The following NDRG1 variants were observed in gnomAD, a reference collection of about 807,000 sequenced individuals.
NDRG1 encodes protein NDRG1.
In NDRG1, 32 loss-of-function variants were observed where a neutral mutation model predicts 56.9. That is an observed-to-expected ratio of 0.56 (90% CI 0.42 to 0.76). The LOEUF is 0.76. Ranked by LOEUF, NDRG1 falls within the 30% of genes least tolerant of loss-of-function variation. The pLI is 0.00. For synonymous variants in NDRG1, 211 were observed against 204.1 expected (o/e 1.03, Z -0.29); for missense variants, 507 against 545.7 (o/e 0.93, Z 0.71).
rs1232564452 is a variant in NDRG1, at chr8:133,238,200, T to G, written c.*678A>C. The G allele has an allele frequency of 1.3e-5, 3 of 232,824 alleles. No homozygotes were observed. In the East Asian group the frequency reaches 1.8e-4, roughly 14 times the overall value. 14.4% of individuals were successfully genotyped at this position (232,824 alleles called of 1,614,324 possible). On this transcript the variant is annotated 3_prime_UTR_variant, in exon 16 of 16. Coordinates refer to ENST00000323851, the MANE Select transcript of NDRG1 (RefSeq NM_006096.4). ...AGGAGATTTTGTCGCCTGCTTTTGC[T>G]GCACATTAAGAGGATGCTAGAAAAA... is the stretch of plus-strand genomic sequence containing the variant.
At chr8:133,239,574 G>A (rs777335787) in intron 15 of NDRG1, 1 of 201,772 alleles carries the variant, frequency 5.0e-6, no homozygotes, top group Non-Finnish European at 1.0e-5. Context: ...GTGGGGAAAG[G>A]GAGAGGGGCC....
chr8:133,265,349 T>G (rs956021186), intron 3 of NDRG1, among the ~76,000 whole-genome samples: 1 of 152,118 alleles, frequency 6.6e-6, no homozygotes, highest in African/African-American at 2.4e-5. Flanking sequence ...GCAGCCACAT[T>G]GTCACCGTGA....
In NDRG1 at chr8:133,248,637, A is replaced by G. The variant is rs578252796; in HGVS notation, c.755+78T>C. On this transcript the variant is annotated intron_variant, in intron 11 of 15. Coordinates refer to ENST00000323851, the MANE Select transcript of NDRG1 (RefSeq NM_006096.4). ...ACACAATGTCCTGCCACACTCAGAAAGAAGGCCCTGCCAGCAAGGCCACCT... is the reference window on the plus strand; with the variant it reads ...ACACAATGTCCTGCCACACTCAGAAGGAAGGCCCTGCCAGCAAGGCCACCT... The G allele has an allele frequency of 2.6e-6, 4 of 1,516,946 alleles. No individual in the cohort carries two copies. The African/African-American group carries it at 4.1e-5, about 16-fold the overall frequency. 94.0% of individuals were successfully genotyped at this position (1,516,946 alleles called of 1,614,324 possible). A position where few individuals can be genotyped will look rare whatever the true frequency, so the allele number is the denominator to read the frequency against.
In NDRG1 at chr8:133,238,174, CAGG is replaced by C. The variant is rs1234230514; in HGVS notation, c.*701_*703del. ...GCTGAAATATTTTTGTCTGTAAAGC[CAGG>C]AGATTTTGTCGCCTGCTTTTGCTGC... On this transcript the variant is annotated 3_prime_UTR_variant, in exon 16 of 16. Coordinates refer to ENST00000323851, the MANE Select transcript of NDRG1 (RefSeq NM_006096.4). The C allele has an allele frequency of 1.7e-5, 4 of 232,978 alleles. No homozygotes were observed. The highest frequency in any genetic ancestry group is 1.8e-4 in the South Asian group (1 of 5,530). The allele number at this position is 232,978 out of a possible 1,614,324, so 14.4% of individuals were successfully genotyped here. A position where few individuals can be genotyped will look rare whatever the true frequency, so the allele number is the denominator to read the frequency against.
Position 133,239,130 on chromosome 8 carries a change from A to G in NDRG1, c.944-11T>C, listed in dbSNP as rs1207384528. The G allele has an allele frequency of 6.4e-7, 1 of 1,552,710 alleles. No homozygotes were observed. The highest frequency in any genetic ancestry group is 2.4e-5 in the East Asian group (1 of 41,228). ...TGCTAGCCGAGGGCACTAGGGGAAC[A>G]AGAGACAGCCGGTTAGAGGGCAGGA... On this transcript the variant is annotated splice_polypyrimidine_tract_variant and intron_variant, in intron 15 of 15. Transcript: ENST00000323851.
chr8:133,280,463 G>A (rs74703054), intron 2 of NDRG1, among the ~76,000 whole-genome samples, 196 bp from the exon 3 acceptor site: 11 of 144,170 alleles, frequency 7.6e-5, no homozygotes, highest in Admixed American at 5.0e-4. Flanking sequence ...TTGCTCTGTC[G>A]CCCAGGTTAG....
chr8:133,280,415 T>C, intron 2 of NDRG1, 148 bp from the exon 3 acceptor site: 1 of 712,006 alleles, frequency 1.4e-6, no homozygotes, highest in Non-Finnish European at 2.3e-6. Flanking sequence ...AAGGCAGGCT[T>C]TCCTTTTCTC....
intron 5 of NDRG1, chr8:133,259,482 G>A (rs1352143105): frequency 1.8e-6 from 1 of 548,628 alleles, no homozygotes; most frequent in Non-Finnish European, 3.3e-6. Context: ...AATAACTCTA[G>A]GAGGCTGCTA....
Position 133,244,352 on chromosome 8 carries a change from C to G in NDRG1, c.891+3G>C, listed in dbSNP as rs377525362. ...ATAATGCAAAAGCCAACATGGCACT[C>G]ACCTGGGAGATCTGCGGGAGGCCGC... On this transcript the variant is annotated splice_donor_region_variant and intron_variant, in intron 14 of 15. Transcript: ENST00000323851. 5 of 1,614,092 alleles carry G rather than the reference C, an allele frequency of 3.1e-6. No individual in the cohort carries two copies. Among genetic ancestry groups the G allele is most frequent in the Non-Finnish European group, 4.2e-6 (5 of 1,180,040 alleles).
chr8:133,288,493 A>C (rs899377383), intron 1 of NDRG1: 3 of 151,914 alleles, frequency 2.0e-5, no homozygotes, highest in African/African-American at 7.3e-5. Context: ...TGGTGCTTCC[A>C]CTCCTGCTCC....
At chr8:133,247,399 G>A (rs368867417) in intron 12 of NDRG1, among the ~76,000 whole-genome samples, 15 of 152,206 alleles carry the variant, frequency 9.9e-5, no homozygotes, top group East Asian at 7.7e-4. Context: ...CCAGCTGTGG[G>A]GTTGTTTGAA....
intron 1 of NDRG1, among the ~76,000 whole-genome samples, chr8:133,295,709 G>A (rs1488528372): frequency 6.6e-6 from 1 of 152,218 alleles, no homozygotes; most frequent in Non-Finnish European, 1.5e-5. Flanking sequence ...CAGGGGGTTT[G>A]TATTTAGATA....
intron 2 of NDRG1, among the ~76,000 whole-genome samples, chr8:133,282,270 G>A (rs551313443): frequency 3.3e-5 from 5 of 152,322 alleles, no homozygotes; most frequent in African/African-American, 1.2e-4. Context: ...ACCTGCACAT[G>A]TATGTAATGA....
intron 1 of NDRG1, chr8:133,296,447 G>A (rs759169664): frequency 4.4e-6 from 2 of 454,980 alleles, no homozygotes; most frequent in Non-Finnish European, 8.8e-6. Flanking sequence ...GCTCCGGCTC[G>A]CGTGTTGCAC....
Position 133,244,395 on chromosome 8 carries a change from G to A in NDRG1, c.856-5C>T, listed in dbSNP as rs767437478. 1 of 1,614,232 alleles carries A rather than the reference G, an allele frequency of 6.2e-7. No individual in the cohort carries two copies. The highest frequency in any genetic ancestry group is 8.5e-7 in the Non-Finnish European group (1 of 1,180,044). The stretch of plus-strand genomic sequence containing the variant: ...GAGGCCGCCACAGTCCGCCATCTAG[G>A]AGAGAGGGAAGCTCGTTAGTGCCAA... On this transcript the variant is annotated splice_region_variant and splice_polypyrimidine_tract_variant and intron_variant, in intron 13 of 15. Transcript: ENST00000323851.
chr8:133,240,086 A>G (rs1233074028), intron 15 of NDRG1: 1 of 152,230 alleles, frequency 6.6e-6, no homozygotes, highest in African/African-American at 2.4e-5. Flanking sequence ...AGAGGCATGG[A>G]AGGTTCTTCC....
At chr8:133,261,106 A>G (rs1299281716) in intron 5 of NDRG1, among the ~76,000 whole-genome samples, 1 of 151,998 alleles carries the variant, frequency 6.6e-6, no homozygotes, top group East Asian at 1.9e-4. Context: ...CAGCTGTGCA[A>G]CCTTTTTTTC....
chr8:133,262,012 A>G, intron 5 of NDRG1, 35 bp downstream of exon 5: 1 of 1,569,812 alleles, frequency 6.4e-7, no homozygotes, highest in African/African-American at 1.4e-5. Flanking sequence ...CCCAGTTTCC[A>G]CCCTGTAGAG....
At chr8:133,283,728 C>T (rs1013629907) in intron 2 of NDRG1, among the ~76,000 whole-genome samples, 1 of 152,206 alleles carries the variant, frequency 6.6e-6, no homozygotes, top group Non-Finnish European at 1.5e-5. Context: ...TATGAAGATA[C>T]TGAGAGGTTA....
Sources: allele counts gnomAD v4.1 joint callset (sites outside exome capture counted in the v4.1 genomes callset), GRCh38; gene constraint gnomAD v4.1.1; transcripts MANE v1.5; gene names NCBI Gene and HGNC (gene_info 2026-07-23, HGNC 2026-07-21).